KCND2: variants seen among roughly 807,000 people sequenced by gnomAD.
The protein encoded by KCND2 is A-type voltage-gated potassium channel KCND2.
KCND2 carries 16 observed loss-of-function variants against 54.4 expected under a neutral mutation model. The ratio of observed to expected loss-of-function variants is 0.29; its 90% CI spans 0.20 to 0.45. The LOEUF is 0.45. Among genes scored for constraint, KCND2 ranks in the 20% least tolerant of loss-of-function variants. The pLI is 1.00. For missense variants in KCND2, 486 were observed against 824.2 expected, an observed-to-expected ratio of 0.59 and a Z score of 5.02; for synonymous variants, 317 against 310.7, an observed-to-expected ratio of 1.02 and a Z score of -0.21.
At chr7:120,382,164 AAGTTTTT>A (rs1293864950) in intron 1 of KCND2, among the ~76,000 whole-genome samples, 3 of 151,866 alleles carry the variant, frequency 2.0e-5, no homozygotes, top group Non-Finnish European at 4.4e-5. Context: ...ACATAAGGAC[AAGTTTTT>A]AGAATCTATT....
chr7:120,677,148 G>A (rs1389536250), intron 1 of KCND2, among the ~76,000 whole-genome samples: 2 of 152,140 alleles, frequency 1.3e-5, no homozygotes, highest in African/African-American at 4.8e-5. Context: ...CTAGCACAAA[G>A]TCTTTGGAAT....
chr7:120,511,187 C>T (rs1007311817), intron 1 of KCND2, among the ~76,000 whole-genome samples: 5 of 151,924 alleles, frequency 3.3e-5, no homozygotes, highest in Admixed American at 2.0e-4. Flanking sequence ...CCATGGTTCA[C>T]TCTCACTTCC....
intron 1 of KCND2, among the ~76,000 whole-genome samples, chr7:120,641,580 G>C (rs1311909040): frequency 1.3e-5 from 2 of 152,124 alleles, no homozygotes; most frequent in African/African-American, 4.8e-5. Context: ...ATGCCCCCCA[G>C]ATGCAGTGGG....
chr7:120,742,015 T>C (rs909067068), intron 3 of KCND2, among the ~76,000 whole-genome samples: 1 of 152,184 alleles, frequency 6.6e-6, no homozygotes, highest in African/African-American at 2.4e-5. Context: ...CATGATGTCT[T>C]GTTTTACTTC....
At position 120,741,596 on chromosome 7, in the gene KCND2, C is replaced by G. The variant is rs1011490341; in HGVS notation, c.1341C>G (p.Ser447Arg). The G allele has an allele frequency of 6.2e-7, 1 of 1,612,808 alleles. No individual in the cohort carries two copies. Among genetic ancestry groups the G allele is most frequent in the Non-Finnish European group, 8.5e-7 (1 of 1,179,036 alleles). The change falls in exon 3 of 6, where the codon AGC (serine) becomes AGG (arginine). Residue 447 changes from serine to arginine, a missense_variant. Transcript: ENST00000331113. ...KSGSANAYMQ[S>R]KRNGLLSNQL... ...GAAGCGCAAATGCTTACATGCAGAGCAAACGGAATGGTTTACTCAGTAATC... is the reference window on the plus strand; with the variant it reads ...GAAGCGCAAATGCTTACATGCAGAGGAAACGGAATGGTTTACTCAGTAATC...
chr7:120,663,091 T>C (rs1368933197), intron 1 of KCND2, among the ~76,000 whole-genome samples: 2 of 152,208 alleles, frequency 1.3e-5, no homozygotes, highest in African/African-American at 4.8e-5. Flanking sequence ...TAGTATCATT[T>C]GGAAGGGTAC....
intron 1 of KCND2, among the ~76,000 whole-genome samples, chr7:120,327,759 T>G (rs1189888144): frequency 6.6e-6 from 1 of 152,116 alleles, no homozygotes; most frequent in South Asian, 2.1e-4. Flanking sequence ...GTTGCCTTTT[T>G]TTTTTTAGAA....
chr7:120,740,994 G>A, intron 2 of KCND2: 2 of 350,694 alleles, frequency 5.7e-6, no homozygotes, highest in Non-Finnish European at 1.1e-5. Context: ...AAGGATAATT[G>A]CAAAAATATA....
chr7:120,582,362 C>G (rs1792527860), intron 1 of KCND2, among the ~76,000 whole-genome samples: 1 of 151,240 alleles, frequency 6.6e-6, no homozygotes, highest in Non-Finnish European at 1.5e-5. Flanking sequence ...TTTTTTTGAC[C>G]ATTATATATA....
At chr7:120,449,038 A>T (rs1391182465) in intron 1 of KCND2, among the ~76,000 whole-genome samples, 1 of 152,106 alleles carries the variant, frequency 6.6e-6, no homozygotes, top group Non-Finnish European at 1.5e-5. Flanking sequence ...CGAAATAGAA[A>T]TCTTTTCTCA....
intron 1 of KCND2, among the ~76,000 whole-genome samples, chr7:120,458,236 T>TACTA (rs1205923498): frequency 1.3e-5 from 2 of 152,200 alleles, no homozygotes; most frequent in African/African-American, 4.8e-5. Flanking sequence ...GCATCTTATA[T>TACTA]ACTAACTCGT....
At position 120,375,643 on chromosome 7, in the gene KCND2, A is replaced by G. The variant is rs1201076187; in HGVS notation, c.1115+99896A>G. 2.0e-5 allele frequency among the ~76,000 whole-genome samples: 3 copies of G among 151,846 alleles called. No homozygotes were observed. In the East Asian group the frequency reaches 5.8e-4, roughly 29 times the overall value. On this transcript the variant is annotated intron_variant, in intron 1 of 5. Coordinates refer to ENST00000331113, the MANE Select transcript of KCND2 (RefSeq NM_012281.3). ...TCTTCATTCTATTACACGAATTGTC[A>G]TCATAATATTACAGTTAAAGCTAAT...
intron 1 of KCND2, among the ~76,000 whole-genome samples, chr7:120,595,242 A>G (rs1035110199): frequency 5.9e-5 from 9 of 151,626 alleles, no homozygotes; most frequent in African/African-American, 2.2e-4. Flanking sequence ...ACTTGAGGTC[A>G]GGAGTTCGAG....
At chr7:120,291,408 T>G (rs898689475) in intron 1 of KCND2, among the ~76,000 whole-genome samples, 168 of 152,072 alleles carry the variant, frequency 1.1e-3, no homozygotes, top group African/African-American at 3.8e-3. Flanking sequence ...AAGATTATTA[T>G]TTATTAATAA....
chr7:120,461,879 G>C (rs2116240706), intron 1 of KCND2, among the ~76,000 whole-genome samples: 1 of 152,064 alleles, frequency 6.6e-6, no homozygotes, highest in South Asian at 2.1e-4. Context: ...CTTAGTAAAT[G>C]CAAGAAATTT....
intron 1 of KCND2, among the ~76,000 whole-genome samples, chr7:120,594,422 C>G (rs1171045458): frequency 6.6e-6 from 1 of 152,134 alleles, no homozygotes; most frequent in Non-Finnish European, 1.5e-5. Context: ...CCAGCATGGT[C>G]AAATTCTGGT....
chr7:120,418,371 A>C (rs572924489), intron 1 of KCND2, among the ~76,000 whole-genome samples: 1 of 152,338 alleles, frequency 6.6e-6, no homozygotes. Flanking sequence ...GCAAGAAAAC[A>C]TAAGAAGAAA....
At position 120,577,006 on chromosome 7, in the gene KCND2, G is replaced by T. The variant is rs560735877; in HGVS notation, c.1116-155897G>T. Among the ~76,000 whole-genome samples, 3 of 152,052 alleles carry T rather than the reference G, an allele frequency of 2.0e-5. No homozygotes were observed. In the East Asian group the frequency reaches 5.8e-4, roughly 29 times the overall value. On this transcript the variant is annotated intron_variant, in intron 1 of 5. Transcript: ENST00000331113. ...TACTAAAATACAAAAAATTTGCTAGGTGTGGCAGCGTGCACCTGTAGTCCC... is the reference window on the plus strand; with the variant it reads ...TACTAAAATACAAAAAATTTGCTAGTTGTGGCAGCGTGCACCTGTAGTCCC...
chr7:120,408,151 G>A (rs1801390479), intron 1 of KCND2, among the ~76,000 whole-genome samples: 1 of 151,834 alleles, frequency 6.6e-6, no homozygotes, highest in Non-Finnish European at 1.5e-5. Flanking sequence ...GGGATGCGAA[G>A]GAGAAGGAAG....
Sources: gnomAD v4.1 joint callset for allele counts (sites outside exome capture counted in the v4.1 genomes callset) on GRCh38, gnomAD v4.1.1 for gene constraint, MANE v1.5 for transcripts, NCBI Gene and HGNC (gene_info 2026-07-23, HGNC 2026-07-21) for gene names.